The following PHACTR3 variants were observed in gnomAD, a reference collection of about 807,000 sequenced individuals.
PHACTR3 encodes the protein phosphatase and actin regulator 3.
In PHACTR3, 16 loss-of-function variants were observed where a neutral mutation model predicts 66.8. That is an observed-to-expected ratio of 0.24 (90% CI 0.16 to 0.36). The LOEUF (loss-of-function observed/expected upper bound fraction) is 0.36. Among genes scored for constraint, PHACTR3 ranks in the 10% least tolerant of loss-of-function variants. The pLI, the probability that PHACTR3 is intolerant of heterozygous loss-of-function variation, is 1.00. For missense variants in PHACTR3, 647 were observed against 719.9 expected (o/e 0.90, Z 1.16); for synonymous variants, 323 against 292.1 (o/e 1.11, Z -1.08).
chr20:59,808,582 C>G (rs182191329), intron 8 of PHACTR3, among the ~76,000 whole-genome samples: 5 of 152,216 alleles, frequency 3.3e-5, no homozygotes, highest in African/African-American at 1.2e-4. Flanking sequence ...GAGGGAGAGA[C>G]AGTGCCCCAG....
chr20:59,755,303 TG>T lies in PHACTR3; in HGVS notation c.483del (p.Thr162ArgfsTer47). ...DAQPGSPLAT[G>X]TDQVSLDKPL... ...CCCAGCCCGGAAGCCCCTTGGCCAC[TG>T]GGACGGACCAGGTCTCCCTGGACAA... On this transcript the variant is annotated frameshift_variant, in exon 4 of 13. Transcript: ENST00000371015. LOFTEE classifies it high-confidence loss of function. 6.2e-7 allele frequency: 1 copy of T among 1,612,510 alleles called. No individual in the cohort carries two copies. Among genetic ancestry groups the T allele is most frequent in the Non-Finnish European group, 8.5e-7 (1 of 1,179,772 alleles).
intron 1 of PHACTR3, among the ~76,000 whole-genome samples, chr20:59,718,185 G>A (rs1023692160): frequency 9.9e-5 from 15 of 152,272 alleles, no homozygotes; most frequent in Admixed American, 5.9e-4. Context: ...GTCACTGTTG[G>A]TGCCCACCTC....
intron 7 of PHACTR3, among the ~76,000 whole-genome samples, chr20:59,797,917 T>C (rs2041301721): frequency 6.6e-6 from 1 of 152,134 alleles, no homozygotes; most frequent in Non-Finnish European, 1.5e-5. Flanking sequence ...TTCAGGAATA[T>C]TGGTCTTTCA....
At chr20:59,688,811 T>C (rs1202429008) in intron 1 of PHACTR3, among the ~76,000 whole-genome samples, 2 of 152,130 alleles carry the variant, frequency 1.3e-5, no homozygotes, top group East Asian at 1.9e-4. Flanking sequence ...AACTGTGAGA[T>C]TGGGGCCACT....
upstream of PHACTR3, chr20:59,604,058 G>GC (rs571283495): frequency 7.0e-3 from 1,016 of 144,118 alleles, 20 homozygotes; most frequent in African/African-American, 0.024. Context: ...CCTCTCCCCC[G>GC]CCCCCCCGCC....
At chr20:59,754,716 A>G (rs2039722056) in intron 3 of PHACTR3, among the ~76,000 whole-genome samples, 1 of 152,230 alleles carries the variant, frequency 6.6e-6, no homozygotes. Context: ...GACTCCAGCC[A>G]GCTGCTGGGC....
In PHACTR3 at chr20:59,820,703, G is replaced by C. The variant is rs748688299; in HGVS notation, c.1328+14509G>C. ...CTGAGGGCTCCAGGGAGGGTCAGCT[G>C]CTGTTTGTTTTCCTTGGTTGCTTGG... On this transcript the variant is annotated intron_variant, in intron 8 of 12. Transcript: ENST00000371015. The surrounding 1 kb of genome is among the most constrained non-coding windows in gnomAD (Gnocchi z 4.6). 5.9e-5 allele frequency among the ~76,000 whole-genome samples: 9 copies of C among 152,184 alleles called. No individual in the cohort carries two copies. Among genetic ancestry groups the C allele is most frequent in the Admixed American group, 1.3e-4 (2 of 15,268 alleles).
rs539181814 is a variant in PHACTR3 at position 59,682,010 on chromosome 20, CA to C, written c.119-61084del. ...GGGCAACAAGAGCGAAACTCTATCT[CA>C]AAAAAAAAAAAAGAAAGAAAGAAAG... On this transcript the variant is annotated intron_variant, in intron 1 of 12. Coordinates refer to ENST00000371015, the MANE Select transcript of PHACTR3 (RefSeq NM_080672.5). Among the ~76,000 whole-genome samples, 1,186 of 126,218 alleles carry C rather than the reference CA, an allele frequency of 9.4e-3. 3 individuals carry two copies. Among genetic ancestry groups the C allele is most frequent in the Non-Finnish European group, 0.01 (611 of 58,764 alleles). The allele number at this position is 126,218 out of a possible 152,430, so 82.8% of individuals were successfully genotyped here.
At chr20:59,584,879 A>T (rs780699994) in intron 1 of PHACTR3, among the ~76,000 whole-genome samples, 1 of 152,066 alleles carries the variant, frequency 6.6e-6, no homozygotes, top group African/African-American at 2.4e-5. Context: ...TCTTCTTCAT[A>T]TAAGGACACC....
chr20:59,731,570 T>C (rs958676006), intron 1 of PHACTR3, among the ~76,000 whole-genome samples: 9 of 152,216 alleles, frequency 5.9e-5, no homozygotes, highest in African/African-American at 2.2e-4. Context: ...TGACCATATG[T>C]CTGGCAGGCA....
chr20:59,612,125 G>A (rs958786862), intron 1 of PHACTR3, among the ~76,000 whole-genome samples: 3 of 152,032 alleles, frequency 2.0e-5, no homozygotes, highest in Non-Finnish European at 1.5e-5. Flanking sequence ...AGGAACAGAG[G>A]CAAAAAGAAA....
chr20:59,763,175 G>T (rs1286143827), intron 4 of PHACTR3, among the ~76,000 whole-genome samples: 1 of 152,166 alleles, frequency 6.6e-6, no homozygotes, highest in Admixed American at 6.5e-5. Context: ...AAGATCTGAT[G>T]GTTTTATAAG....
chr20:59,674,586 TTCTCCTGTCCCCGCTTCTCCTGTTC>T (rs1379133146), intron 1 of PHACTR3, among the ~76,000 whole-genome samples: 3 of 31,492 alleles, frequency 9.5e-5, no homozygotes, highest in Admixed American at 5.1e-4. Flanking sequence ...TGTTCCCCCC[TTCTCCTGTCCCCGCTTCTCCTGTTC>T]CCCCCTTCTC....
chr20:59,657,983 A>G (rs1306628123), intron 1 of PHACTR3, among the ~76,000 whole-genome samples: 4 of 152,112 alleles, frequency 2.6e-5, no homozygotes, highest in Non-Finnish European at 4.4e-5. Context: ...TACTAAGCCT[A>G]TGTTCATTTT....
chr20:59,805,358 G>T (rs986689214), intron 7 of PHACTR3, among the ~76,000 whole-genome samples: 1 of 152,228 alleles, frequency 6.6e-6, no homozygotes, highest in Non-Finnish European at 1.5e-5. Context: ...TCCACACCCT[G>T]CTAGGACATG....
intron 1 of PHACTR3, among the ~76,000 whole-genome samples, chr20:59,667,133 G>T (rs1055372045): frequency 3.9e-5 from 6 of 152,204 alleles, no homozygotes; most frequent in Non-Finnish European, 8.8e-5. Flanking sequence ...TCTATTTTAA[G>T]TTCCCAGGTT....
chr20:59,654,437 A>G (rs1239086598), intron 1 of PHACTR3, among the ~76,000 whole-genome samples: 2 of 152,166 alleles, frequency 1.3e-5, no homozygotes, highest in African/African-American at 2.4e-5. Flanking sequence ...GTAACTATCA[A>G]TGGGGAATTT....
chr20:59,709,795 G>A (rs952553614), intron 1 of PHACTR3, among the ~76,000 whole-genome samples: 1 of 152,028 alleles, frequency 6.6e-6, no homozygotes, highest in Non-Finnish European at 1.5e-5. Flanking sequence ...AGATGGTGCA[G>A]GTGGAACACT....
chr20:59,833,198 G>A (rs2042435562), intron 8 of PHACTR3, among the ~76,000 whole-genome samples: 1 of 152,210 alleles, frequency 6.6e-6, no homozygotes, highest in African/African-American at 2.4e-5. Context: ...GCATATTCTA[G>A]ACCATTCAGG....
Sources: gnomAD v4.1 joint callset for allele counts (sites outside exome capture counted in the v4.1 genomes callset) on GRCh38, gnomAD v4.1.1 for gene constraint, Gnocchi (gnomAD v3.1) non-coding constraint, MANE v1.5 for transcripts, NCBI Gene and HGNC (gene_info 2026-07-23, HGNC 2026-07-21) for gene names.